Variants in JARID2 observed in about 807,000 individuals in gnomAD.
The protein encoded by JARID2 is protein Jumonji.
JARID2 carries 21 observed loss-of-function variants against 125.6 expected under a neutral mutation model. That is an observed-to-expected ratio of 0.17 (90% CI 0.12 to 0.24). The LOEUF (loss-of-function observed/expected upper bound fraction) is 0.24, where lower values mean the gene tolerates loss of function less well. Ranked by LOEUF, JARID2 falls within the 10% of genes least tolerant of loss-of-function variation. JARID2 has a pLI of 1.00. For synonymous variants in JARID2, 736 were observed against 661.6 expected (o/e 1.11, Z -1.73); for missense variants, 1,303 against 1,639.6 (o/e 0.79, Z 3.55).
In JARID2 at chr6:15,355,009, G is replaced by A. The variant is rs1270204753; in HGVS notation, c.46-19108G>A. Among the ~76,000 whole-genome samples, 2 of 152,142 alleles carry A rather than the reference G, an allele frequency of 1.3e-5. 1 individual carries two copies. Among genetic ancestry groups the A allele is most frequent in the African/African-American group, 4.8e-5 (2 of 41,432 alleles). On this transcript the variant is annotated intron_variant, in intron 1 of 17. Coordinates refer to ENST00000341776, the MANE Select transcript of JARID2 (RefSeq NM_004973.4). ...ATAAGAGTTCAAGAAAGAAATAATT[G>A]AAAGTCCAGAAGAATGTTCATTGAG...
intron 1 of JARID2, among the ~76,000 whole-genome samples, chr6:15,357,110 A>C (rs903776905): frequency 6.6e-6 from 1 of 152,234 alleles, no homozygotes; most frequent in African/African-American, 2.4e-5. Flanking sequence ...GTGAAAGACC[A>C]TCTCTAGGGA....
chr6:15,468,853 G>C (rs1768877115), intron 5 of JARID2, 135 bp downstream of exon 5: 1 of 776,044 alleles, frequency 1.3e-6, no homozygotes. Flanking sequence ...GACACTTCAT[G>C]GGCAAAGGGA....
chr6:15,448,732 T>G (rs1767783461), intron 3 of JARID2, among the ~76,000 whole-genome samples: 1 of 152,138 alleles, frequency 6.6e-6, no homozygotes. Flanking sequence ...TCAGTCTACC[T>G]GGCAGCTGGT....
intron 3 of JARID2, among the ~76,000 whole-genome samples, chr6:15,435,179 C>T (rs1308817608): frequency 6.6e-6 from 1 of 152,130 alleles, no homozygotes; most frequent in Non-Finnish European, 1.5e-5. Flanking sequence ...TGCTTTATTT[C>T]CCCTGAATGT....
At chr6:15,446,133 T>A (rs1180100154) in intron 3 of JARID2, among the ~76,000 whole-genome samples, 2 of 152,216 alleles carry the variant, frequency 1.3e-5, no homozygotes, top group Admixed American at 1.3e-4. Context: ...ATTCTGTGAT[T>A]CCTAAATCAT....
At chr6:15,303,697 C>T (rs1313876633) in intron 1 of JARID2, among the ~76,000 whole-genome samples, 2 of 152,184 alleles carry the variant, frequency 1.3e-5, no homozygotes, top group East Asian at 3.9e-4. Context: ...ATACTGACCT[C>T]CGCTCCCAAG....
intron 2 of JARID2, among the ~76,000 whole-genome samples, chr6:15,391,894 A>G (rs925283780): frequency 2.6e-5 from 4 of 152,148 alleles, no homozygotes; most frequent in Non-Finnish European, 5.9e-5. Context: ...TGGCTCTATC[A>G]TGCTTTTGGG....
chr6:15,268,864 C>G (rs146633645), intron 1 of JARID2, among the ~76,000 whole-genome samples: 3 of 152,300 alleles, frequency 2.0e-5, no homozygotes, highest in African/African-American at 7.2e-5. Flanking sequence ...ATAAAAACTT[C>G]AGGATTTTTC....
intron 13 of JARID2, 63 bp from the exon 14 acceptor site, chr6:15,512,145 C>A: frequency 6.7e-7 from 1 of 1,482,322 alleles, no homozygotes; most frequent in African/African-American, 1.4e-5. Context: ...CATACGTCAC[C>A]TGAAGACTGC....
At chr6:15,389,515 T>A (rs1414240851) in intron 2 of JARID2, among the ~76,000 whole-genome samples, 1 of 152,222 alleles carries the variant, frequency 6.6e-6, no homozygotes, top group Non-Finnish European at 1.5e-5. Context: ...TCTAGAGTGA[T>A]CTGTTCCCTA....
chr6:15,335,352 G>A (rs977148621), intron 1 of JARID2, among the ~76,000 whole-genome samples: 2 of 152,134 alleles, frequency 1.3e-5, no homozygotes, highest in African/African-American at 2.4e-5. Flanking sequence ...TGCCCACTTC[G>A]GCCACCCAAA....
chr6:15,375,809 G>A (rs573343600), intron 2 of JARID2, among the ~76,000 whole-genome samples: 1 of 152,170 alleles, frequency 6.6e-6, no homozygotes, highest in Non-Finnish European at 1.5e-5. Context: ...CTGTTAGATT[G>A]TATGGTTGTG....
At chr6:15,511,213 C>T (rs1357554891) in intron 12 of JARID2, 83 bp from the exon 13 acceptor site, 1 of 953,454 alleles carries the variant, frequency 1.0e-6, no homozygotes, top group Non-Finnish European at 1.7e-6. Flanking sequence ...GCTCGGGTCC[C>T]TGAGGGTGAC....
chr6:15,418,744 C>G (rs938523698), intron 3 of JARID2, among the ~76,000 whole-genome samples: 1 of 151,960 alleles, frequency 6.6e-6, no homozygotes, highest in South Asian at 2.1e-4. Context: ...TGTAAAGAAT[C>G]ATTGGAAGTG....
At chr6:15,487,079 A>C (rs572656225) in intron 5 of JARID2, among the ~76,000 whole-genome samples, 34 of 152,198 alleles carry the variant, frequency 2.2e-4, no homozygotes, top group African/African-American at 8.0e-4. Flanking sequence ...GAGGTGGGAA[A>C]CACTTTTAAA....
At chr6:15,500,877 G>A (rs1409945140) in intron 7 of JARID2, 30 bp from the exon 8 acceptor site, 6 of 1,561,836 alleles carry the variant, frequency 3.8e-6, no homozygotes, top group Non-Finnish European at 4.3e-6. Flanking sequence ...TTCACTAACT[G>A]TCCCGTTTTT....
chr6:15,322,290 C>A (rs794795), intron 1 of JARID2, among the ~76,000 whole-genome samples: 14,859 of 152,232 alleles, frequency 0.098, 908 homozygotes, highest in Non-Finnish European at 0.13. Flanking sequence ...GCTTCTGATT[C>A]TGAGACTTGG....
intron 17 of JARID2, among the ~76,000 whole-genome samples, chr6:15,517,753 G>A (rs1771634131): frequency 6.6e-6 from 1 of 152,240 alleles, no homozygotes; most frequent in Non-Finnish European, 1.5e-5. Flanking sequence ...CTCTTCTGGA[G>A]AGGGGGGTCA....
chr6:15,494,118 G>T (rs926966302), intron 6 of JARID2, among the ~76,000 whole-genome samples: 1 of 152,198 alleles, frequency 6.6e-6, no homozygotes, highest in Non-Finnish European at 1.5e-5. Context: ...GTCCTACCAA[G>T]AATTTGTGGC....
Sources: gnomAD v4.1 joint callset for allele counts (sites outside exome capture counted in the v4.1 genomes callset) on GRCh38, gnomAD v4.1.1 for gene constraint, MANE v1.5 for transcripts, NCBI Gene and HGNC (gene_info 2026-07-23, HGNC 2026-07-21) for gene names.